Variants in CACNA1C observed in about 807,000 individuals in gnomAD.
The protein encoded by CACNA1C is voltage-dependent L-type calcium channel subunit alpha-1C.
In CACNA1C, 30 loss-of-function variants were observed where a neutral mutation model predicts 229.0. The ratio of observed to expected loss-of-function variants is 0.13; its 90% CI spans 0.10 to 0.18. The LOEUF is 0.18. Among genes scored for constraint, CACNA1C ranks in the 10% least tolerant of loss-of-function variants. CACNA1C has a pLI of 1.00. For synonymous variants in CACNA1C, 1,114 were observed against 1,132.5 expected, an observed-to-expected ratio of 0.98 and a Z score of 0.33; for missense variants, 1,658 against 2,845.0, an observed-to-expected ratio of 0.58 and a Z score of 9.49.
At chr12:2,342,647 C>T (rs898752931) in intron 3 of CACNA1C, among the ~76,000 whole-genome samples, 1 of 152,254 alleles carries the variant, frequency 6.6e-6, no homozygotes, top group Non-Finnish European at 1.5e-5. Flanking sequence ...AAACACTTCC[C>T]TGCCTTCTTA....
chr12:2,166,497 G>A (rs2238043), intron 3 of CACNA1C, among the ~76,000 whole-genome samples: 72,950 of 151,988 alleles, frequency 0.48, 17,865 homozygotes, highest in South Asian at 0.59. Context: ...AGGAGTGTCA[G>A]CAATGAGGAA....
At chr12:2,440,597 C>G (rs2099213387) in intron 3 of CACNA1C, among the ~76,000 whole-genome samples, 1 of 152,200 alleles carries the variant, frequency 6.6e-6, no homozygotes, top group Admixed American at 6.5e-5. Flanking sequence ...CCAGCCATAC[C>G]TGGCAAGCAG....
intron 11 of CACNA1C, among the ~76,000 whole-genome samples, chr12:2,565,198 G>A (rs558264053): frequency 1.1e-4 from 17 of 152,148 alleles, no homozygotes; most frequent in Admixed American, 3.3e-4. Flanking sequence ...GCCGGGCGCG[G>A]TGGCTCACGC....
intron 3 of CACNA1C, among the ~76,000 whole-genome samples, chr12:2,239,367 C>T (rs2068823781): frequency 6.6e-6 from 1 of 151,926 alleles, no homozygotes; most frequent in African/African-American, 2.4e-5. Flanking sequence ...TCCACACACA[C>T]AGGCTTCATC....
intron 3 of CACNA1C, among the ~76,000 whole-genome samples, chr12:2,314,016 C>T (rs753993278): frequency 2.6e-5 from 4 of 152,208 alleles, no homozygotes; most frequent in South Asian, 4.1e-4. Flanking sequence ...ACAGGGCACA[C>T]GGCCTTTCCA....
intron 3 of CACNA1C, among the ~76,000 whole-genome samples, chr12:2,247,324 C>T (rs1021735466): frequency 6.6e-6 from 1 of 152,184 alleles, no homozygotes; most frequent in Non-Finnish European, 1.5e-5. Context: ...CTGTCAATGC[C>T]GCAGGGTCTG....
At chr12:2,680,663 A>AGCAG in intron 42 of CACNA1C, 1 of 1,175,396 alleles carries the variant, frequency 8.5e-7, no homozygotes, top group Non-Finnish European at 1.2e-6. Context: ...CCATCCAAGG[A>AGCAG]GCAGGCACAC....
intron 9 of CACNA1C, chr12:2,547,368 T>A (rs2099883333): frequency 1.4e-6 from 1 of 731,670 alleles, no homozygotes; most frequent in Non-Finnish European, 2.5e-6. Context: ...CCTTGTTTCT[T>A]TCTCTTGCCC....
rs543707956 is a variant in CACNA1C, at chr12:2,376,701, A to G, written c.478-72275A>G. Among the ~76,000 whole-genome samples the G allele has an allele frequency of 2.6e-5, 4 of 152,216 alleles. No homozygotes were observed. The South Asian group carries it at 6.2e-4, about 24-fold the overall frequency. On this transcript the variant is annotated intron_variant, in intron 3 of 46. Coordinates refer to ENST00000399655, the MANE Select transcript of CACNA1C (RefSeq NM_000719.7). ...GGGGAGCTATGTGGAGGGCAAGACCACCCCAAGAACCCCAACATGAAACCT... is the reference window on the plus strand; with the variant it reads ...GGGGAGCTATGTGGAGGGCAAGACCGCCCCAAGAACCCCAACATGAAACCT...
intron 3 of CACNA1C, among the ~76,000 whole-genome samples, chr12:2,370,887 G>A (rs2097849108): frequency 6.6e-6 from 1 of 152,088 alleles, no homozygotes; most frequent in Admixed American, 6.5e-5. Flanking sequence ...GTGGGGAGGG[G>A]GCAGTCCCTA....
At chr12:2,235,586 G>A (rs2067032853) in intron 3 of CACNA1C, among the ~76,000 whole-genome samples, 1 of 152,206 alleles carries the variant, frequency 6.6e-6, no homozygotes, top group Non-Finnish European at 1.5e-5. Flanking sequence ...GCCTTGCAGT[G>A]CTTCTCTACG....
At chr12:2,080,741 C>T (rs117005559) in intron 1 of CACNA1C, among the ~76,000 whole-genome samples, 1,774 of 152,166 alleles carry the variant, frequency 0.012, 11 homozygotes, top group Non-Finnish European at 0.02. Flanking sequence ...AAATAAATAA[C>T]TTAATGGATG....
intron 13 of CACNA1C, among the ~76,000 whole-genome samples, chr12:2,578,118 T>A (rs2059208572): frequency 6.6e-6 from 1 of 152,114 alleles, no homozygotes; most frequent in Admixed American, 6.5e-5. Context: ...TCCGCCCGCC[T>A]CGGCCTCCCA....
chr12:2,120,656 C>CTGTGTGTG lies in CACNA1C; in HGVS notation c.477+260_477+267dup, dbSNP rs112680750. Among the ~76,000 whole-genome samples, 2,748 of 139,810 alleles carry CTGTGTGTG rather than the reference C, an allele frequency of 0.02. 45 individuals carry two copies. Among genetic ancestry groups the CTGTGTGTG allele is most frequent in the African/African-American group, 0.04 (1,461 of 36,796 alleles). The allele number at this position is 139,810 out of a possible 152,430, so 91.7% of individuals were successfully genotyped here. ...TATTCCAGTTAGGTGGTGGTGAGCT[C>CTGTGTGTG]TGTGTGTGTGTGTGTGTGTGTGTGT... On this transcript the variant is annotated intron_variant, in intron 3 of 46. Coordinates refer to ENST00000399655, the MANE Select transcript of CACNA1C (RefSeq NM_000719.7).
At chr12:2,153,566 G>A (rs911519980) in intron 3 of CACNA1C, among the ~76,000 whole-genome samples, 6 of 152,152 alleles carry the variant, frequency 3.9e-5, no homozygotes, top group African/African-American at 9.7e-5. Flanking sequence ...GAATCTCAGA[G>A]TATTTGTCCT....
In CACNA1C at chr12:2,694,586, G is replaced by C. The variant is rs965743585; in HGVS notation, c.*3387G>C. The C allele has an allele frequency of 2.0e-5, 3 of 152,212 alleles. No homozygotes were observed. Among genetic ancestry groups the C allele is most frequent in the Admixed American group, 2.0e-4 (3 of 15,278 alleles). The allele number at this position is 152,212 out of a possible 1,614,324, so 9.4% of individuals were successfully genotyped here. ...ACTCTCACTGGGAAATCCACTCAAA[G>C]GAACAAGGCAATGTCTCTCATTCTA... On this transcript the variant is annotated 3_prime_UTR_variant, in exon 47 of 47. Transcript: ENST00000399655.
At position 2,152,434 on chromosome 12, in the gene CACNA1C, C is replaced by A. The variant is rs1349318534; in HGVS notation, c.477+32004C>A. Among the ~76,000 whole-genome samples the A allele has an allele frequency of 6.6e-6, 1 of 152,226 alleles. No homozygotes were observed. Among genetic ancestry groups the A allele is most frequent in the African/African-American group, 2.4e-5 (1 of 41,460 alleles). ...GTCATGCCTGCCCTTTCCCTTTCTC[C>A]CTCTGCAGGCGTGTTGCCGTCATGG... is the stretch of plus-strand genomic sequence containing the variant. On this transcript the variant is annotated intron_variant, in intron 3 of 46. Transcript: ENST00000399655. This position sits in a 1 kb window ranked among gnomAD's most constrained non-coding sequence, Gnocchi z 4.2.
intron 3 of CACNA1C, among the ~76,000 whole-genome samples, chr12:2,442,787 A>T (rs1289268689): frequency 6.6e-6 from 1 of 152,188 alleles, no homozygotes; most frequent in African/African-American, 2.4e-5. Flanking sequence ...ATGAGAACAG[A>T]GCAAGAGAGA....
At chr12:2,069,100 A>G (rs1389945235) in intron 1 of CACNA1C, among the ~76,000 whole-genome samples, 2 of 152,180 alleles carry the variant, frequency 1.3e-5, no homozygotes, top group Non-Finnish European at 2.9e-5. Context: ...AATGTCCTTG[A>G]GTTGAGGGAA....
Sources: gnomAD v4.1 joint callset for allele counts (sites outside exome capture counted in the v4.1 genomes callset) on GRCh38, gnomAD v4.1.1 for gene constraint, Gnocchi (gnomAD v3.1) non-coding constraint, MANE v1.5 for transcripts, NCBI Gene and HGNC (gene_info 2026-07-23, HGNC 2026-07-21) for gene names.